The following MATR3 variants were observed in gnomAD, a reference collection of about 807,000 sequenced individuals.
MATR3 encodes the protein matrin 3.
In MATR3, 4 loss-of-function variants were observed where a neutral mutation model predicts 85.5. The ratio of observed to expected loss-of-function variants is 0.05; its 90% CI spans 0.02 to 0.11. The LOEUF (loss-of-function observed/expected upper bound fraction) is 0.11, where lower values mean the gene tolerates loss of function less well. Ranked by LOEUF, MATR3 falls within the 10% of genes least tolerant of loss-of-function variation. The pLI is 1.00. For missense variants in MATR3, 685 were observed against 1,016.1 expected (o/e 0.67, Z 4.43); for synonymous variants, 336 against 343.1 (o/e 0.98, Z 0.23).
Position 139,330,718 on chromosome 5 carries a change from G to A in MATR3, c.*1323G>A, listed in dbSNP as rs776781517. On this transcript the variant is annotated 3_prime_UTR_variant, in exon 15 of 15. Transcript: ENST00000394805. ...TTAACAGTACAATTGGAAGTAATAC[G>A]GATGAGCAAGAATTAGTTCTGCAGC... 2.0e-5 allele frequency: 9 copies of A among 453,954 alleles called. No individual in the cohort carries two copies. The highest frequency in any genetic ancestry group is 8.0e-5 in the African/African-American group (4 of 50,004). 28.1% of individuals were successfully genotyped at this position (453,954 alleles called of 1,614,324 possible). A position where few individuals can be genotyped will look rare whatever the true frequency, so the allele number is the denominator to read the frequency against.
chr5:139,307,819 C>T lies in MATR3; in HGVS notation c.404C>T (p.Pro135Leu). Residue 135 changes from proline (P) to leucine (L), a missense_variant, in exon 2 of 15, where the codon CCT becomes CTT. Pro to Leu is a moderately conservative substitution (Grantham distance 98). Coordinates refer to ENST00000394805, the MANE Select transcript of MATR3 (RefSeq NM_018834.6). This position sits in a 1 kb window ranked among gnomAD's most constrained non-coding sequence, Gnocchi z 4.4. ...LSRYPEDKIT[P>L]ENLPQILLQL... ...CGTTATCCAGAGGACAAGATTACTC[C>T]TGAGAATTTGCCCCAAATCCTTCTA... 6.2e-7 allele frequency: 1 copy of T among 1,614,106 alleles called. No individual in the cohort carries two copies. The highest frequency in any genetic ancestry group is 8.5e-7 in the Non-Finnish European group (1 of 1,180,016).
intron 7 of MATR3, among the ~76,000 whole-genome samples, chr5:139,318,213 A>G (rs1182146775): frequency 1.3e-5 from 2 of 151,314 alleles, no homozygotes; most frequent in South Asian, 2.1e-4. Flanking sequence ...AGCTCACTGC[A>G]ACCTTCGCCT....
chr5:139,293,478 A>C, upstream of MATR3: 1 of 153,486 alleles, frequency 6.5e-6, no homozygotes, highest in Non-Finnish European at 1.5e-5. Flanking sequence ...CCTTTTCGGG[A>C]ATGGGACTCG....
At chr5:139,311,147 TAAAGA>T (rs1395349624) in intron 2 of MATR3, 1 of 152,164 alleles carries the variant, frequency 6.6e-6, no homozygotes, top group Non-Finnish European at 1.5e-5. Flanking sequence ...TCCTTTCACT[TAAAGA>T]AAATTACCCA....
intron 1 of MATR3, among the ~76,000 whole-genome samples, chr5:139,305,290 A>C (rs1581231575): frequency 6.6e-6 from 1 of 152,206 alleles, no homozygotes; most frequent in African/African-American, 2.4e-5. Context: ...CCTATGAGCT[A>C]CCAAAAAATG....
intron 9 of MATR3, among the ~76,000 whole-genome samples, chr5:139,321,248 C>T (rs970091250): frequency 2.0e-5 from 3 of 152,024 alleles, no homozygotes; most frequent in African/African-American, 7.2e-5. Context: ...CTCCTGGGTT[C>T]AAGCAGTTCT....
At chr5:139,299,999 AGAAG>A (rs1754357851) in intron 1 of MATR3, 2 of 152,356 alleles carry the variant, frequency 1.3e-5, no homozygotes, top group South Asian at 4.1e-4. Context: ...TACAGAATGA[AGAAG>A]GAAGATGTTT....
chr5:139,294,662 T>C (rs1272866093), intron 1 of MATR3: 1 of 148,374 alleles, frequency 6.7e-6, no homozygotes, highest in Non-Finnish European at 1.5e-5. Context: ...ACATCCTTTT[T>C]CTCTTTATCA....
chr5:139,281,359 T>TG (rs1462498242), intron 3 of MATR3, among the ~76,000 whole-genome samples: 5 of 146,354 alleles, frequency 3.4e-5, no homozygotes, highest in African/African-American at 1.3e-4. Flanking sequence ...TTTTTTTGTT[T>TG]TTTTTTTTTT....
At position 139,319,620 on chromosome 5, in the gene MATR3, G is replaced by T. The variant is rs1199003362; in HGVS notation, c.1602+119G>T. The T allele has an allele frequency of 2.9e-5, 25 of 851,676 alleles. No homozygotes were observed. The East Asian group carries it at 6.5e-4, about 22-fold the overall frequency. The allele number at this position is 851,676 out of a possible 1,614,324, so 52.8% of individuals were successfully genotyped here. On this transcript the variant is annotated intron_variant, in intron 9 of 14. Transcript: ENST00000394805. ...CCCAGCAGTTTGGGAGGCCAAGGCA[G>T]GCAAATCACCTGAGGTCAGGAGTTC...
chr5:139,293,040 C>T (rs1462886152), upstream of MATR3, among the ~76,000 whole-genome samples: 1 of 152,028 alleles, frequency 6.6e-6, no homozygotes, highest in African/African-American at 2.4e-5. Flanking sequence ...CTGCTTGAGC[C>T]AAGGAGTTCC....
rs2151960336 is a variant in MATR3, at chr5:139,307,641, G to T, written c.226G>T (p.Ala76Ser). 1.2e-6 allele frequency: 2 copies of T among 1,614,140 alleles called. No homozygotes were observed. Among genetic ancestry groups the T allele is most frequent in the Non-Finnish European group, 1.7e-6 (2 of 1,180,028 alleles). Residue 76 changes from alanine to serine, a missense_variant, in exon 2 of 15, where the codon GCT (alanine) becomes TCT (serine). By Grantham distance (99) the Ala-to-Ser change is moderately conservative. Around this residue, in one of 9 missense-constraint regions of MATR3, gnomAD observed 57 missense variants for 68.6 expected, o/e 0.83. Coordinates refer to ENST00000394805, the MANE Select transcript of MATR3 (RefSeq NM_018834.6). This position sits in a 1 kb window ranked among gnomAD's most constrained non-coding sequence, Gnocchi z 4.4. ...AGGAGCTCATAGTGCACTGTCTTCT[G>T]CTAGTACTTCTTCCCATAATTTGCA... ...QQGAHSALSS[A>S]STSSHNLQSI... is the part of the protein sequence containing the mutation.
rs779221091 is a variant in MATR3 at position 139,331,183 on chromosome 5, C to G, written c.*1788C>G. 4.4e-6 allele frequency: 2 copies of G among 454,122 alleles called. No homozygotes were observed. The highest frequency in any genetic ancestry group is 3.1e-5 in the South Asian group (2 of 64,478). The allele number at this position is 454,122 out of a possible 1,614,324, so 28.1% of individuals were successfully genotyped here. ...GACCCCAGTTTATTAAAGGATACTT[C>G]AAATAGTTGGCTAAATTTTATGATC... is the stretch of plus-strand genomic sequence containing the variant. On this transcript the variant is annotated 3_prime_UTR_variant, in exon 15 of 15. Coordinates refer to ENST00000394805, the MANE Select transcript of MATR3 (RefSeq NM_018834.6).
chr5:139,279,710 G>A (rs780136192), intron 3 of MATR3: 11 of 153,086 alleles, frequency 7.2e-5, no homozygotes, highest in Non-Finnish European at 1.2e-4. Flanking sequence ...CACCATGTTG[G>A]TCAGGCTGGT....
chr5:139,302,019 G>A (rs1054782059), intron 1 of MATR3, among the ~76,000 whole-genome samples: 1 of 152,198 alleles, frequency 6.6e-6, no homozygotes, highest in African/African-American at 2.4e-5. Context: ...AAGAACAGTG[G>A]TCTTAAAGCA....
chr5:139,298,202 C>G (rs1402461694), intron 1 of MATR3, among the ~76,000 whole-genome samples: 1 of 152,068 alleles, frequency 6.6e-6, no homozygotes, highest in African/African-American at 2.4e-5. Context: ...GAACCTATAC[C>G]ATATGTGAAA....
chr5:139,285,467 A>G (rs1422918631), intron 3 of MATR3, among the ~76,000 whole-genome samples: 1 of 152,156 alleles, frequency 6.6e-6, no homozygotes, highest in Non-Finnish European at 1.5e-5. Flanking sequence ...TCTTGAAGAA[A>G]CTGTGGGCCA....
In MATR3 at chr5:139,307,160, G is replaced by T; in HGVS notation, c.-177-79G>T. The stretch of plus-strand genomic sequence containing the variant: ...AAATGTTTTTTTTTTAAATCAACAT[G>T]ATGCATAAGTTTTTTTTTCTTAAAA... On this transcript the variant is annotated intron_variant, in intron 1 of 14. Coordinates refer to ENST00000394805, the MANE Select transcript of MATR3 (RefSeq NM_018834.6). This position sits in a 1 kb window ranked among gnomAD's most constrained non-coding sequence, Gnocchi z 4.4. 1 of 972,714 alleles carries T rather than the reference G, an allele frequency of 1.0e-6. No individual in the cohort carries two copies. Among genetic ancestry groups the T allele is most frequent in the Non-Finnish European group, 1.3e-6 (1 of 774,132 alleles). 60.3% of individuals were successfully genotyped at this position (972,714 alleles called of 1,614,324 possible). A position where few individuals can be genotyped will look rare whatever the true frequency, so the allele number is the denominator to read the frequency against.
Position 139,307,211 on chromosome 5 carries a change from A to C in MATR3, c.-177-28A>C. 1 of 1,276,084 alleles carries C rather than the reference A, an allele frequency of 7.8e-7. No individual in the cohort carries two copies. The highest frequency in any genetic ancestry group is 9.9e-7 in the Non-Finnish European group (1 of 1,013,616). The allele number at this position is 1,276,084 out of a possible 1,614,324, so 79.0% of individuals were successfully genotyped here. Reference sequence around the variant, plus strand: ...AAACGGCATCTGCTTAAAGGGATTTATGACTAAAATTGCTTATTTTTCTAC... The same window carrying C: ...AAACGGCATCTGCTTAAAGGGATTTCTGACTAAAATTGCTTATTTTTCTAC... On this transcript the variant is annotated intron_variant, in intron 1 of 14. Transcript: ENST00000394805. The surrounding 1 kb of genome is among the most constrained non-coding windows in gnomAD (Gnocchi z 4.4).
Sources: gnomAD v4.1 joint callset for allele counts (sites outside exome capture counted in the v4.1 genomes callset) on GRCh38, gnomAD v4.1.1 for gene constraint, gnomAD v4.1.1 regional missense constraint, Gnocchi (gnomAD v3.1) non-coding constraint, MANE v1.5 for transcripts, NCBI Gene and HGNC (gene_info 2026-07-23, HGNC 2026-07-21) for gene names.